ZDHHC8: variants seen among roughly 807,000 people sequenced by gnomAD.
ZDHHC8 encodes zDHHC palmitoyltransferase 8.
A neutral mutation model predicts 61.2 loss-of-function variants in ZDHHC8; 24 were observed. The ratio of observed to expected loss-of-function variants is 0.39; its 90% CI spans 0.28 to 0.55. ZDHHC8 has a LOEUF of 0.55. Among genes scored for constraint, ZDHHC8 ranks in the 20% least tolerant of loss-of-function variants. The probability of loss-of-function intolerance (pLI) is 0.60; values close to 1 mark genes in which losing one functional copy is unlikely to be tolerated. For synonymous variants in ZDHHC8, 523 were observed against 492.5 expected (o/e 1.06, Z -0.82); for missense variants, 935 against 1,102.1 (o/e 0.85, Z 2.15).
At chr22:20,135,296 A>T (rs2050410304) in intron 1 of ZDHHC8, among the ~76,000 whole-genome samples, 1 of 151,932 alleles carries the variant, frequency 6.6e-6, no homozygotes, top group South Asian at 2.1e-4. Flanking sequence ...GAAGCCCTTT[A>T]TACCATGGTA....
Position 20,146,260 on chromosome 22 carries a change from T to G in ZDHHC8, c.*860T>G. 1 of 985,486 alleles carries G rather than the reference T, an allele frequency of 1.0e-6. No individual in the cohort carries two copies. The highest frequency in any genetic ancestry group is 4.7e-5 in the South Asian group (1 of 21,284). 61.0% of individuals were successfully genotyped at this position (985,486 alleles called of 1,614,324 possible). ...AACTGGAGAACCCCACCCCAAGGCA[T>G]GCCACGTCCGCAGCCCCGGCCTGGC... On this transcript the variant is annotated 3_prime_UTR_variant, in exon 11 of 11. Coordinates refer to ENST00000334554, the MANE Select transcript of ZDHHC8 (RefSeq NM_013373.4).
rs1441635131 is a variant in ZDHHC8, at chr22:20,146,400, T to C, written c.*1000T>C. 1 of 985,294 alleles carries C rather than the reference T, an allele frequency of 1.0e-6. No individual in the cohort carries two copies. Among genetic ancestry groups the C allele is most frequent in the African/African-American group, 1.7e-5 (1 of 57,232 alleles). 61.0% of individuals were successfully genotyped at this position (985,294 alleles called of 1,614,324 possible). Reference sequence around the variant, plus strand: ...CTGCTTGCGTTGTGTCTGTTTTATGTTTTTATATCTACATCTATATATCTA... The same window carrying C: ...CTGCTTGCGTTGTGTCTGTTTTATGCTTTTATATCTACATCTATATATCTA... On this transcript the variant is annotated 3_prime_UTR_variant, in exon 11 of 11. Coordinates refer to ENST00000334554, the MANE Select transcript of ZDHHC8 (RefSeq NM_013373.4).
chr22:20,133,414 T>C (rs1240871147), intron 1 of ZDHHC8, among the ~76,000 whole-genome samples: 4 of 152,174 alleles, frequency 2.6e-5, no homozygotes, highest in Non-Finnish European at 5.9e-5. Flanking sequence ...TGCAATTCAG[T>C]GTCCTTTCTC....
In ZDHHC8 at chr22:20,141,387, C is replaced by T. The variant is rs773127155; in HGVS notation, c.1016-34C>T. The T allele has an allele frequency of 4.2e-5, 68 of 1,611,966 alleles. 2 individuals carry two copies. In the South Asian group the frequency reaches 7.5e-4, roughly 18 times the overall value. On this transcript the variant is annotated intron_variant, in intron 8 of 10. Transcript: ENST00000334554. ...GGGAGGGATATGGGTTGACCCTCCT[C>T]TGACCTCAGTCTGACAGTGGTCTGC...
In ZDHHC8 at chr22:20,143,250, C is replaced by T; in HGVS notation, c.1620C>T (p.Arg540=). Residue 540 remains arginine (R), a synonymous_variant, in exon 10 of 11, where the codon CGC becomes CGT. Coordinates refer to ENST00000334554, the MANE Select transcript of ZDHHC8 (RefSeq NM_013373.4). ...GCCCCCGGGAGCCCTCGCCTGTGCG[C>T]TACGACAACCTGTCCAGGACCATCA... ...GPRPREPSPV[R]YDNLSRTIMA... 2 of 1,606,420 alleles carry T rather than the reference C, an allele frequency of 1.2e-6. No homozygotes were observed. Among genetic ancestry groups the T allele is most frequent in the African/African-American group, 1.3e-5 (1 of 75,044 alleles).
intron 9 of ZDHHC8, among the ~76,000 whole-genome samples, 163 bp from the exon 10 acceptor site, chr22:20,142,593 G>A (rs921574318): frequency 3.3e-5 from 5 of 152,166 alleles, no homozygotes; most frequent in Admixed American, 6.5e-5. Flanking sequence ...CCCCTCAGCC[G>A]TGGATGCTCA....
chr22:20,143,091 G>C lies in ZDHHC8; in HGVS notation c.1461G>C (p.Ser487=), dbSNP rs563476063. ...LSYDSLLNPG[S]PGGHACPAHP... ...ATGACAGCCTGCTCAATCCTGGCTC[G>C]CCTGGTGGCCACGCCTGCCCTGCCC... The change falls in exon 10 of 11, where the codon TCG becomes TCC. Residue 487 remains serine (S), a synonymous_variant. Coordinates refer to ENST00000334554, the MANE Select transcript of ZDHHC8 (RefSeq NM_013373.4). 3 of 1,612,150 alleles carry C rather than the reference G, an allele frequency of 1.9e-6. No individual in the cohort carries two copies. Among genetic ancestry groups the C allele is most frequent in the Non-Finnish European group, 2.5e-6 (3 of 1,179,824 alleles).
chr22:20,140,783 C>T (rs2148006798), intron 6 of ZDHHC8, 75 bp downstream of exon 6: 3 of 1,593,920 alleles, frequency 1.9e-6, no homozygotes, highest in South Asian at 2.2e-5. Flanking sequence ...CCCTCTTGGT[C>T]CGTTTGGCTC....
In ZDHHC8 at chr22:20,140,265, G is replaced by A. The variant is rs754417496; in HGVS notation, c.660+48G>A. 6 of 1,558,476 alleles carry A rather than the reference G, an allele frequency of 3.8e-6. No homozygotes were observed. In the East Asian group the frequency reaches 1.1e-4, roughly 30 times the overall value. ...GTGGCCCCAAAGGGCCGAGAGAGTT[G>A]GGGCTGCATGGGGACAGGGTGGGGG... is the stretch of plus-strand genomic sequence containing the variant. On this transcript the variant is annotated intron_variant, in intron 5 of 10. Coordinates refer to ENST00000334554, the MANE Select transcript of ZDHHC8 (RefSeq NM_013373.4).
Position 20,146,170 on chromosome 22 carries a change from G to A in ZDHHC8, c.*770G>A, listed in dbSNP as rs768869704. 1.3e-4 allele frequency: 129 copies of A among 985,546 alleles called. No homozygotes were observed. Among genetic ancestry groups the A allele is most frequent in the Admixed American group, 1.8e-4 (3 of 16,270 alleles). 61.1% of individuals were successfully genotyped at this position (985,546 alleles called of 1,614,324 possible). On this transcript the variant is annotated 3_prime_UTR_variant, in exon 11 of 11. Transcript: ENST00000334554. The stretch of plus-strand genomic sequence containing the variant: ...GGCAGGCGGGAGCAGGCACGGGGGT[G>A]ATGCTGCCACAGGGGGCTGGTGACA...
intron 9 of ZDHHC8, among the ~76,000 whole-genome samples, chr22:20,142,124 AG>A (rs1325300685): frequency 6.6e-6 from 1 of 152,102 alleles, no homozygotes; most frequent in African/African-American, 2.4e-5. Context: ...CACCTAGACC[AG>A]CCCCATCCCC....
At position 20,131,895 on chromosome 22, in the gene ZDHHC8, GCCGGCCCTGCCCGC is replaced by G. The variant is rs2050376828; in HGVS notation, c.-45_-32del. On this transcript the variant is annotated 5_prime_UTR_variant, in exon 1 of 11. Transcript: ENST00000334554. ...CCCGCCCGACCCCGGCCCGACCCCGGCCGGCCCTGCCCGCCCGGCCCCGGGGAGGGATGCGGCGG... is the reference window on the plus strand; with the variant it reads ...CCCGCCCGACCCCGGCCCGACCCCGGCCGGCCCCGGGGAGGGATGCGGCGG... 1.2e-6 allele frequency: 1 copy of G among 804,642 alleles called. No individual in the cohort carries two copies. Among genetic ancestry groups the G allele is most frequent in the African/African-American group, 1.9e-5 (1 of 53,156 alleles). The allele number at this position is 804,642 out of a possible 1,614,324, so 49.8% of individuals were successfully genotyped here.
intron 1 of ZDHHC8, among the ~76,000 whole-genome samples, chr22:20,137,091 A>G (rs1328535820): frequency 6.6e-6 from 1 of 152,236 alleles, no homozygotes; most frequent in East Asian, 1.9e-4. Flanking sequence ...GAGAACCCAC[A>G]ACAAGCCTCC....
intron 1 of ZDHHC8, among the ~76,000 whole-genome samples, chr22:20,135,028 C>T (rs890267642): frequency 4.6e-5 from 7 of 152,122 alleles, no homozygotes; most frequent in Admixed American, 6.5e-5. Flanking sequence ...ACCTCCTGGG[C>T]GCAAGTGATC....
chr22:20,145,673 G>A lies in ZDHHC8; in HGVS notation c.*273G>A, dbSNP rs1031698702. On this transcript the variant is annotated 3_prime_UTR_variant, in exon 11 of 11. Coordinates refer to ENST00000334554, the MANE Select transcript of ZDHHC8 (RefSeq NM_013373.4). ...TGTCCCATGGCTGGGGCAGTGAGGG[G>A]GCCCAGTCAGCCTCTTTGGGGCACC... The A allele has an allele frequency of 1.7e-5, 19 of 1,093,590 alleles. No individual in the cohort carries two copies. The Admixed American group carries it at 9.9e-4, about 57-fold the overall frequency. 67.7% of individuals were successfully genotyped at this position (1,093,590 alleles called of 1,614,324 possible).
chr22:20,139,629 T>G lies in ZDHHC8; in HGVS notation c.378T>G (p.Cys126Trp). 6.2e-7 allele frequency: 1 copy of G among 1,612,874 alleles called. No homozygotes were observed. The highest frequency in any genetic ancestry group is 8.5e-7 in the Non-Finnish European group (1 of 1,179,962). Residue 126 changes from cysteine (C) to tryptophan (W), a missense_variant, in exon 3 of 11, where the codon TGT (cysteine) becomes TGG (tryptophan). Physicochemically the swap from Cys to Trp is radical, Grantham distance 215. This residue lies in a region of ZDHHC8 where 199 missense variants were observed against 334.0 expected (regional missense o/e 0.60). Transcript: ENST00000334554. Reference protein sequence around the residue: ...RCSHCSVCDNCVEDFDHHCPW... With the variant: ...RCSHCSVCDNWVEDFDHHCPW... ...CCCACTGCAGCGTCTGTGACAACTG[T>G]GTAGAGGTGACCGCCCTGCTGCCCC...
chr22:20,140,814 T>C, intron 6 of ZDHHC8, 57 bp from the exon 7 acceptor site: 1 of 1,599,598 alleles, frequency 6.3e-7, no homozygotes, highest in Non-Finnish European at 8.5e-7. Context: ...TGGCCAGCCC[T>C]GCCCTTGTGT....
intron 1 of ZDHHC8, among the ~76,000 whole-genome samples, chr22:20,136,024 G>A (rs1282387438): frequency 6.6e-6 from 1 of 152,274 alleles, no homozygotes; most frequent in Non-Finnish European, 1.5e-5. Flanking sequence ...GCGGGACTTG[G>A]GGCCTCAGCC....
chr22:20,138,640 G>A (rs1291628467), intron 1 of ZDHHC8, among the ~76,000 whole-genome samples: 1 of 152,188 alleles, frequency 6.6e-6, no homozygotes, highest in Non-Finnish European at 1.5e-5. Flanking sequence ...TTTGTCATCT[G>A]GGGAGGGAGG....
Sources: gnomAD v4.1 joint callset for allele counts (sites outside exome capture counted in the v4.1 genomes callset) on GRCh38, gnomAD v4.1.1 for gene constraint, gnomAD v4.1.1 regional missense constraint, MANE v1.5 for transcripts, NCBI Gene and HGNC (gene_info 2026-07-23, HGNC 2026-07-21) for gene names.